The following ANKRD55 variants were observed in gnomAD, a reference collection of about 807,000 sequenced individuals.
ANKRD55 encodes ankyrin repeat domain 55.
A neutral mutation model predicts 60.6 loss-of-function variants in ANKRD55; 41 were observed. The observed-to-expected ratio is 0.68, with a 90% confidence interval of 0.53 to 0.88. The LOEUF (loss-of-function observed/expected upper bound fraction) is 0.88, where lower values mean the gene tolerates loss of function less well. Ranked by LOEUF, ANKRD55 falls within the 40% of genes least tolerant of loss-of-function variation. ANKRD55 has a pLI of 0.00. For synonymous variants in ANKRD55, 264 were observed against 290.3 expected, an observed-to-expected ratio of 0.91 and a Z score of 0.92; for missense variants, 732 against 767.6, an observed-to-expected ratio of 0.95 and a Z score of 0.55.
intron 11 of ANKRD55, among the ~76,000 whole-genome samples, chr5:56,100,939 A>G (rs1011839406): frequency 5.3e-5 from 8 of 152,204 alleles, no homozygotes; most frequent in Admixed American, 3.9e-4. Flanking sequence ...ATTTCATTCA[A>G]TGATAGAATT....
At chr5:56,175,787 T>C (rs144115322) in intron 4 of ANKRD55, among the ~76,000 whole-genome samples, 6 of 152,256 alleles carry the variant, frequency 3.9e-5, no homozygotes, top group East Asian at 1.9e-4. Context: ...CAGATGTTAA[T>C]TGGATCTTCA....
At chr5:56,201,698 C>T (rs1302554160) in intron 2 of ANKRD55, among the ~76,000 whole-genome samples, 1 of 152,154 alleles carries the variant, frequency 6.6e-6, no homozygotes, top group Non-Finnish European at 1.5e-5. Context: ...CAGTGCCTGG[C>T]CCAGAGTAAA....
At chr5:56,142,067 C>T (rs565124878) in intron 7 of ANKRD55, among the ~76,000 whole-genome samples, 8 of 152,278 alleles carry the variant, frequency 5.3e-5, no homozygotes, top group Admixed American at 3.9e-4. Context: ...CAGTGGCTCA[C>T]GTCTGTAATC....
chr5:56,162,469 A>T (rs535074807), intron 5 of ANKRD55, among the ~76,000 whole-genome samples: 135 of 152,066 alleles, frequency 8.9e-4, no homozygotes, highest in Non-Finnish European at 1.6e-3. Flanking sequence ...GTATTTCTCT[A>T]CCAAAGGCCT....
At chr5:56,163,553 C>A (rs942800816) in intron 5 of ANKRD55, among the ~76,000 whole-genome samples, 1 of 152,090 alleles carries the variant, frequency 6.6e-6, no homozygotes, top group African/African-American at 2.4e-5. Context: ...AGGCTTGGAC[C>A]CCAGCAAGAG....
intron 2 of ANKRD55, among the ~76,000 whole-genome samples, chr5:56,219,047 C>A (rs186917968): frequency 2.0e-5 from 3 of 151,734 alleles, no homozygotes; most frequent in Non-Finnish European, 2.9e-5. Flanking sequence ...CCGAGGCGGG[C>A]GGATCACTTG....
intron 10 of ANKRD55, among the ~76,000 whole-genome samples, chr5:56,109,070 CA>C (rs1756587891): frequency 2.6e-5 from 4 of 151,948 alleles, no homozygotes; most frequent in African/African-American, 9.7e-5. Flanking sequence ...CACACACACA[CA>C]CACACACACC....
intron 2 of ANKRD55, among the ~76,000 whole-genome samples, chr5:56,198,630 C>T (rs928214466): frequency 2.0e-5 from 3 of 152,108 alleles, no homozygotes; most frequent in African/African-American, 7.2e-5. Flanking sequence ...GATTCTTCCA[C>T]TCACCCTTTT....
chr5:56,137,980 A>C (rs1757654698), intron 7 of ANKRD55, among the ~76,000 whole-genome samples: 1 of 152,170 alleles, frequency 6.6e-6, no homozygotes, highest in Non-Finnish European at 1.5e-5. Context: ...GAGATACCAC[A>C]GTGCATTGAT....
At chr5:56,175,813 G>A (rs545919458) in intron 4 of ANKRD55, among the ~76,000 whole-genome samples, 2 of 152,168 alleles carry the variant, frequency 1.3e-5, no homozygotes, top group South Asian at 4.1e-4. Flanking sequence ...TTCCCACCCT[G>A]TTGGGGTTAT....
intron 2 of ANKRD55, chr5:56,192,658 C>A: frequency 1.9e-6 from 2 of 1,041,766 alleles, no homozygotes; most frequent in Non-Finnish European, 2.9e-6. Flanking sequence ...AGGGTGACAC[C>A]CAGACTAATG....
chr5:56,232,650 A>G (rs1463062581), intron 2 of ANKRD55, among the ~76,000 whole-genome samples: 1 of 152,120 alleles, frequency 6.6e-6, no homozygotes, highest in Non-Finnish European at 1.5e-5. Flanking sequence ...ATGCTTATCA[A>G]ACTAGAAGTG....
At chr5:56,187,549 AC>A (rs1278362472) in intron 2 of ANKRD55, among the ~76,000 whole-genome samples, 2 of 151,982 alleles carry the variant, frequency 1.3e-5, no homozygotes, top group Non-Finnish European at 2.9e-5. Flanking sequence ...ACTGTCCACC[AC>A]TGCTGTTTGC....
At chr5:56,179,605 T>G (rs146940796) in intron 3 of ANKRD55, among the ~76,000 whole-genome samples, 41 of 152,290 alleles carry the variant, frequency 2.7e-4, no homozygotes, top group African/African-American at 8.9e-4. Flanking sequence ...GCATCTTGCG[T>G]CCTTAAATGA....
chr5:56,116,581 G>T, intron 9 of ANKRD55, 34 bp downstream of exon 9: 1 of 1,437,544 alleles, frequency 7.0e-7, no homozygotes, highest in Non-Finnish European at 9.2e-7. Flanking sequence ...TAGTTGAGAA[G>T]AATAGAAAAA....
chr5:56,213,300 C>G (rs1449623256), intron 2 of ANKRD55, among the ~76,000 whole-genome samples: 1 of 151,854 alleles, frequency 6.6e-6, no homozygotes, highest in African/African-American at 2.4e-5. Context: ...TAAGTATTTG[C>G]TTATTAGTAC....
intron 6 of ANKRD55, among the ~76,000 whole-genome samples, chr5:56,150,576 C>T (rs1446419985): frequency 1.3e-5 from 2 of 151,976 alleles, no homozygotes; most frequent in East Asian, 1.9e-4. Flanking sequence ...TGCACTCTGG[C>T]CTCACAGAGT....
Position 56,136,454 on chromosome 5 carries a change from A to G in ANKRD55, c.612+7347T>C, listed in dbSNP as rs182930709. 1.6e-4 allele frequency among the ~76,000 whole-genome samples: 25 copies of G among 152,358 alleles called. 1 individual carries two copies. The East Asian group carries it at 4.8e-3, about 29-fold the overall frequency. Reference sequence around the variant, plus strand: ...ATGGACAGCCAAGAAATAGACCCACATAATCAACTGATATTTGACAAAAGA... The same window carrying G: ...ATGGACAGCCAAGAAATAGACCCACGTAATCAACTGATATTTGACAAAAGA... On this transcript the variant is annotated intron_variant, in intron 7 of 11. Coordinates refer to ENST00000341048, the MANE Select transcript of ANKRD55 (RefSeq NM_024669.3).
intron 2 of ANKRD55, among the ~76,000 whole-genome samples, chr5:56,230,133 G>C (rs935321685): frequency 2.0e-5 from 3 of 152,048 alleles, no homozygotes; most frequent in African/African-American, 7.3e-5. Flanking sequence ...GTCTTGCTCT[G>C]TCGCCAGGTT....
Sources: allele counts gnomAD v4.1 joint callset (sites outside exome capture counted in the v4.1 genomes callset), GRCh38; gene constraint gnomAD v4.1.1; transcripts MANE v1.5; gene names NCBI Gene and HGNC (gene_info 2026-07-23, HGNC 2026-07-21).